The following SIAH3 variants were observed in gnomAD, a reference collection of about 807,000 sequenced individuals.
SIAH3 encodes seven in absentia homolog 3.
In SIAH3, 9 loss-of-function variants were observed where a neutral mutation model predicts 12.6. The observed-to-expected ratio is 0.72, with a 90% CI of 0.43 to 1.25. The LOEUF is 1.25. SIAH3 is among the 50% of genes most tolerant of loss of function. SIAH3 has a pLI of 0.00. For missense variants in SIAH3, 390 were observed against 365.4 expected, an observed-to-expected ratio of 1.07 and a Z score of -0.55; for synonymous variants, 154 against 151.1, an observed-to-expected ratio of 1.02 and a Z score of -0.14.
At chr13:45,826,420 G>A (rs1178805395) in intron 1 of SIAH3, among the ~76,000 whole-genome samples, 202 of 662 alleles carry the variant, frequency 0.31, 97 homozygotes, top group East Asian at 0.84. Flanking sequence ...TGGATGGATG[G>A]ATGGATGGAT....
intron 1 of SIAH3, among the ~76,000 whole-genome samples, chr13:45,826,654 T>C (rs187266902): frequency 2.2e-3 from 338 of 152,276 alleles, no homozygotes; most frequent in Non-Finnish European, 4.1e-3. Context: ...AATCCTAGCA[T>C]AGTGGACATG....
Position 45,783,769 on chromosome 13 carries a change from C to A in SIAH3, c.424G>T (p.Val142Phe). 1.2e-6 allele frequency: 2 copies of A among 1,614,230 alleles called. No homozygotes were observed. Among genetic ancestry groups the A allele is most frequent in the Non-Finnish European group, 1.7e-6 (2 of 1,180,042 alleles). Residue 142 changes from valine (V) to phenylalanine (F), a missense_variant, in exon 2 of 2, where the codon GTC becomes TTC. Transcript: ENST00000400405. Reference sequence around the variant, plus strand: ...AGGTGCATGTCCGTGGCCAGGAAGACGATCTCGGCTCCCTGGAGGATGTCA... The same window carrying A: ...AGGTGCATGTCCGTGGCCAGGAAGAAGATCTCGGCTCCCTGGAGGATGTCA... ...RVDILQGAEI[V>F]FLATDMHLPA...
chr13:45,792,240 G>A (rs1477326280), intron 1 of SIAH3, among the ~76,000 whole-genome samples: 5 of 152,044 alleles, frequency 3.3e-5, no homozygotes, highest in Non-Finnish European at 7.4e-5. Context: ...GTGTGGGCTC[G>A]GGTGTTAGCT....
In SIAH3 at chr13:45,783,292, G is replaced by T; in HGVS notation, c.*91C>A. On this transcript the variant is annotated 3_prime_UTR_variant, in exon 2 of 2. Transcript: ENST00000400405. The stretch of plus-strand genomic sequence containing the variant: ...AATTAAAAAAAAAAAAAAGAAAGGA[G>T]AAGAATAAAAAGGAGTCTGGAGTCC... The T allele has an allele frequency of 1.1e-5, 9 of 793,842 alleles. No homozygotes were observed. The highest frequency in any genetic ancestry group is 1.5e-5 in the Non-Finnish European group (8 of 548,260). 49.2% of individuals were successfully genotyped at this position (793,842 alleles called of 1,614,324 possible).
intron 1 of SIAH3, among the ~76,000 whole-genome samples, chr13:45,790,597 TA>T (rs1013318865): frequency 5.9e-5 from 9 of 152,380 alleles, no homozygotes; most frequent in Admixed American, 2.6e-4. Context: ...GGACAGGGAC[TA>T]ATTGTTCGTG....
intron 1 of SIAH3, among the ~76,000 whole-genome samples, chr13:45,809,810 T>C (rs943087104): frequency 5.9e-5 from 9 of 152,234 alleles, no homozygotes; most frequent in Non-Finnish European, 1.3e-4. Context: ...TTCCATATTT[T>C]ACAGATGTCT....
At chr13:45,793,071 C>T (rs1950551384) in intron 1 of SIAH3, among the ~76,000 whole-genome samples, 1 of 152,188 alleles carries the variant, frequency 6.6e-6, no homozygotes, top group African/African-American at 2.4e-5. Context: ...ACTTTAGAAC[C>T]ACAGCAGTGA....
At chr13:45,851,162 T>C (rs914352772) in intron 1 of SIAH3, among the ~76,000 whole-genome samples, 2 of 151,900 alleles carry the variant, frequency 1.3e-5, no homozygotes, top group East Asian at 1.9e-4. Flanking sequence ...CCACAAATAG[T>C]AGGGGGAGTG....
chr13:45,783,280 A>AAG lies in SIAH3; in HGVS notation c.*102_*103insCT, dbSNP rs1950511982. The AAG allele has an allele frequency of 1.2e-6, 1 of 812,308 alleles. No individual in the cohort carries two copies. The highest frequency in any genetic ancestry group is 1.8e-6 in the Non-Finnish European group (1 of 570,028). 50.3% of individuals were successfully genotyped at this position (812,308 alleles called of 1,614,324 possible). On this transcript the variant is annotated 3_prime_UTR_variant, in exon 2 of 2. Transcript: ENST00000400405. ...ATAATAATTAAAAATTAAAAAAAAA[A>AAG]AAAAGAAAGGAGAAGAATAAAAAGG...
At chr13:45,811,115 T>A (rs987431460) in intron 1 of SIAH3, among the ~76,000 whole-genome samples, 7 of 152,256 alleles carry the variant, frequency 4.6e-5, no homozygotes, top group African/African-American at 1.7e-4. Flanking sequence ...GTGTCATTTG[T>A]AAAATCAGAA....
At chr13:45,797,711 A>G (rs1466496010) in intron 1 of SIAH3, among the ~76,000 whole-genome samples, 1 of 152,194 alleles carries the variant, frequency 6.6e-6, no homozygotes, top group Non-Finnish European at 1.5e-5. Context: ...AGGATGTCAG[A>G]GCTGCTGGGT....
chr13:45,784,204 CAA>C, intron 1 of SIAH3, 147 bp from the exon 2 acceptor site: 1 of 816,018 alleles, frequency 1.2e-6, no homozygotes, highest in Non-Finnish European at 1.9e-6. Context: ...AACAAACAAA[CAA>C]ACAAACAAAA....
chr13:45,834,574 G>A (rs1022755268), intron 1 of SIAH3, among the ~76,000 whole-genome samples: 4 of 152,172 alleles, frequency 2.6e-5, no homozygotes, highest in African/African-American at 9.7e-5. Flanking sequence ...GCCTATGGCT[G>A]GTGGGCAGCA....
intron 1 of SIAH3, among the ~76,000 whole-genome samples, chr13:45,804,033 T>G (rs1950591009): frequency 1.3e-5 from 2 of 152,184 alleles, no homozygotes; most frequent in Non-Finnish European, 2.9e-5. Context: ...CATTGATTCC[T>G]AAAAAGTAAA....
intron 1 of SIAH3, among the ~76,000 whole-genome samples, chr13:45,812,658 T>C (rs982706544): frequency 6.6e-6 from 1 of 152,082 alleles, no homozygotes. Context: ...TGCATAAATA[T>C]ATAACACACA....
intron 1 of SIAH3, among the ~76,000 whole-genome samples, chr13:45,802,291 G>A (rs888524252): frequency 6.6e-6 from 1 of 152,100 alleles, no homozygotes; most frequent in Admixed American, 6.5e-5. Context: ...GGGTGACAGA[G>A]CGAGACTCCA....
chr13:45,795,946 T>C (rs935015076), intron 1 of SIAH3, among the ~76,000 whole-genome samples: 5 of 151,942 alleles, frequency 3.3e-5, no homozygotes, highest in African/African-American at 7.3e-5. Flanking sequence ...CAAAAACATG[T>C]TGAATTTTTA....
intron 1 of SIAH3, among the ~76,000 whole-genome samples, chr13:45,846,243 C>T (rs890407149): frequency 6.6e-6 from 1 of 151,880 alleles, no homozygotes; most frequent in Non-Finnish European, 1.5e-5. Context: ...GTGCCCGCCA[C>T]CATGCCCAGC....
At position 45,804,963 on chromosome 13, in the gene SIAH3, A is replaced by AACACACACAC. The variant is rs56315825; in HGVS notation, c.136-20916_136-20907dup. On this transcript the variant is annotated intron_variant, in intron 1 of 1. Coordinates refer to ENST00000400405, the MANE Select transcript of SIAH3 (RefSeq NM_198849.3). The stretch of plus-strand genomic sequence containing the variant: ...AAATCAAGAACTCAATCCCATTTAT[A>AACACACACAC]ACACACACACACACACACACACACA... Among the ~76,000 whole-genome samples, 141 of 135,908 alleles carry AACACACACAC rather than the reference A, an allele frequency of 1.0e-3. 1 individual carries two copies. Among genetic ancestry groups the AACACACACAC allele is most frequent in the Middle Eastern group, 3.7e-3 (1 of 270 alleles). 89.2% of individuals were successfully genotyped at this position (135,908 alleles called of 152,430 possible). A position where few individuals can be genotyped will look rare whatever the true frequency, so the allele number is the denominator to read the frequency against.
Sources: allele counts gnomAD v4.1 joint callset (sites outside exome capture counted in the v4.1 genomes callset), GRCh38; gene constraint gnomAD v4.1.1; transcripts MANE v1.5; gene names NCBI Gene and HGNC (gene_info 2026-07-23, HGNC 2026-07-21).